The following PTPRG variants were observed in gnomAD, a reference collection of about 807,000 sequenced individuals.
The protein encoded by PTPRG is receptor-type tyrosine-protein phosphatase gamma.
A neutral mutation model predicts 165.3 loss-of-function variants in PTPRG; 102 were observed. The observed-to-expected ratio is 0.62, with a 90% CI of 0.53 to 0.73. The LOEUF is 0.73. Ranked by LOEUF, PTPRG falls within the 30% of genes least tolerant of loss-of-function variation. The probability of loss-of-function intolerance (pLI) is 0.00; values close to 1 mark genes in which losing one functional copy is unlikely to be tolerated. For synonymous variants in PTPRG, 675 were observed against 669.5 expected, an observed-to-expected ratio of 1.01 and a Z score of -0.13; for missense variants, 1,866 against 1,861.4, an observed-to-expected ratio of 1.00 and a Z score of -0.05.
chr3:62,123,673 C>T (rs1446984711), intron 5 of PTPRG, among the ~76,000 whole-genome samples: 1 of 151,986 alleles, frequency 6.6e-6, no homozygotes, highest in Non-Finnish European at 1.5e-5. Flanking sequence ...CTTTTTAATG[C>T]AGAAATAGAC....
intron 2 of PTPRG, among the ~76,000 whole-genome samples, chr3:61,926,293 G>C (rs2039209253): frequency 6.6e-6 from 1 of 152,024 alleles, no homozygotes; most frequent in Admixed American, 6.6e-5. Context: ...CATGGGGGTG[G>C]CTTTTCATGA....
intron 2 of PTPRG, among the ~76,000 whole-genome samples, chr3:61,977,233 G>A (rs1315793257): frequency 2.0e-5 from 3 of 150,254 alleles, no homozygotes; most frequent in African/African-American, 7.4e-5. Flanking sequence ...ACCTCACCGG[G>A]AGCAAGACCA....
intron 2 of PTPRG, among the ~76,000 whole-genome samples, chr3:61,870,622 C>T (rs2037544210): frequency 6.8e-6 from 1 of 146,492 alleles, no homozygotes; most frequent in African/African-American, 2.5e-5. Context: ...CTCAGGTGAT[C>T]CACCCACCTC....
intron 1 of PTPRG, among the ~76,000 whole-genome samples, chr3:61,727,889 G>A (rs1360249625): frequency 1.3e-5 from 2 of 152,204 alleles, no homozygotes; most frequent in African/African-American, 4.8e-5. Context: ...ATAATGCCTG[G>A]GTTTTATCTA....
At chr3:62,096,526 T>C (rs915208131) in intron 5 of PTPRG, among the ~76,000 whole-genome samples, 1 of 152,222 alleles carries the variant, frequency 6.6e-6, no homozygotes, top group Non-Finnish European at 1.5e-5. Context: ...GACAAGGGCA[T>C]GATTATGATG....
At chr3:61,806,872 G>C (rs900518365) in intron 2 of PTPRG, among the ~76,000 whole-genome samples, 1 of 152,168 alleles carries the variant, frequency 6.6e-6, no homozygotes, top group African/African-American at 2.4e-5. Flanking sequence ...TCCGTGGCTT[G>C]TGTACCCCTC....
chr3:62,081,774 T>C (rs1009230927), intron 5 of PTPRG, among the ~76,000 whole-genome samples: 2 of 152,214 alleles, frequency 1.3e-5, no homozygotes, highest in African/African-American at 2.4e-5. Flanking sequence ...ATTTTTTTGC[T>C]CTCTATAAGA....
Position 61,985,469 on chromosome 3 carries a change from T to C in PTPRG, c.191-4156T>C, listed in dbSNP as rs549140699. Among the ~76,000 whole-genome samples the C allele has an allele frequency of 3.9e-5, 6 of 152,348 alleles. No homozygotes were observed. The South Asian group carries it at 1.2e-3, about 32-fold the overall frequency. On this transcript the variant is annotated intron_variant, in intron 2 of 29. Transcript: ENST00000474889. ...ATTGTGGGCAGCACTTACTGAACTT[T>C]TAGTGTTTGATAATGCTCTAAGCAC... is the stretch of plus-strand genomic sequence containing the variant.
At chr3:61,955,304 G>A (rs72885838) in intron 2 of PTPRG, among the ~76,000 whole-genome samples, 1,674 of 151,856 alleles carry the variant, frequency 0.011, 25 homozygotes, top group African/African-American at 0.035. Context: ...TTTCTCTTAC[G>A]CGAAGTAAAT....
At chr3:61,782,029 T>C (rs1241757422) in intron 2 of PTPRG, among the ~76,000 whole-genome samples, 2 of 152,014 alleles carry the variant, frequency 1.3e-5, no homozygotes, top group Non-Finnish European at 2.9e-5. Flanking sequence ...AAATCTGTCA[T>C]AGCTTCAGCT....
intron 1 of PTPRG, among the ~76,000 whole-genome samples, chr3:61,720,084 G>T (rs74532257): frequency 6.6e-6 from 1 of 150,684 alleles, no homozygotes; most frequent in Non-Finnish European, 1.5e-5. Context: ...TCCCTCCTCC[G>T]TCCTGCTTAG....
chr3:62,068,471 G>C (rs973280041), intron 4 of PTPRG, among the ~76,000 whole-genome samples: 5 of 150,680 alleles, frequency 3.3e-5, no homozygotes, highest in Non-Finnish European at 7.4e-5. Flanking sequence ...ACTCTGTTTT[G>C]GTTTGTTTGT....
At chr3:61,969,762 G>T (rs930289963) in intron 2 of PTPRG, among the ~76,000 whole-genome samples, 2 of 152,134 alleles carry the variant, frequency 1.3e-5, no homozygotes, top group African/African-American at 4.8e-5. Context: ...CCAACCTGGG[G>T]AGCGAATCAC....
chr3:61,958,884 A>T (rs1401459345), intron 2 of PTPRG, among the ~76,000 whole-genome samples: 7 of 152,220 alleles, frequency 4.6e-5, no homozygotes, highest in Non-Finnish European at 8.8e-5. Context: ...AGGCAAAGGC[A>T]GGAGGTTCTT....
rs1705066052 is a variant in PTPRG at position 62,168,059 on chromosome 3, A to G, written c.929A>G (p.Gln310Arg). The change falls in exon 8 of 30, where the codon CAG (glutamine) becomes CGG (arginine). Residue 310 changes from glutamine to arginine, a missense_variant. This residue lies in a region of PTPRG where 1,452 missense variants were observed against 1,463.0 expected (regional missense o/e 0.99). Transcript: ENST00000474889. The stretch of plus-strand genomic sequence containing the variant: ...CTGAGAAATAACTTTCGACCACAGC[A>G]GCGTCTGCATGACAGGGTGGTGTCC... Reference protein sequence around the residue: ...EYLRNNFRPQQRLHDRVVSKS... With the variant: ...EYLRNNFRPQRRLHDRVVSKS... The G allele has an allele frequency of 1.2e-6, 2 of 1,614,016 alleles. No homozygotes were observed. The highest frequency in any genetic ancestry group is 1.7e-6 in the Non-Finnish European group (2 of 1,179,952).
chr3:62,118,544 G>A (rs1001908501), intron 5 of PTPRG: 1 of 152,142 alleles, frequency 6.6e-6, no homozygotes, highest in Non-Finnish European at 1.5e-5. Context: ...AAGGAAAAAG[G>A]CTAGAAACTT....
intron 1 of PTPRG, among the ~76,000 whole-genome samples, chr3:61,667,866 C>T (rs959436796): frequency 6.6e-6 from 1 of 151,862 alleles, no homozygotes; most frequent in East Asian, 1.9e-4. Flanking sequence ...ACTTGATCCA[C>T]AAGACCAGGG....
chr3:61,720,381 C>T (rs558206056), intron 1 of PTPRG, among the ~76,000 whole-genome samples: 28 of 152,312 alleles, frequency 1.8e-4, no homozygotes, highest in African/African-American at 6.5e-4. Flanking sequence ...GCCTCGGCCT[C>T]CCAAAGTGTG....
chr3:61,578,070 A>G (rs1700205424), intron 1 of PTPRG, among the ~76,000 whole-genome samples: 1 of 152,270 alleles, frequency 6.6e-6, no homozygotes, highest in South Asian at 2.1e-4. Flanking sequence ...AGCCGTTGTT[A>G]TTATTTTACC....
Sources: gnomAD v4.1 joint callset for allele counts (sites outside exome capture counted in the v4.1 genomes callset) on GRCh38, gnomAD v4.1.1 for gene constraint, gnomAD v4.1.1 regional missense constraint, MANE v1.5 for transcripts, NCBI Gene and HGNC (gene_info 2026-07-23, HGNC 2026-07-21) for gene names.